The following HHIP variants were observed in gnomAD, a reference collection of about 807,000 sequenced individuals.
HHIP encodes hedgehog-interacting protein.
In HHIP, 12 loss-of-function variants were observed where a neutral mutation model predicts 74.0. The ratio of observed to expected loss-of-function variants is 0.16; its 90% CI spans 0.10 to 0.26. HHIP has a LOEUF of 0.26. HHIP is among the 10% of genes least tolerant of loss of function. HHIP has a pLI of 1.00. For missense variants in HHIP, 788 were observed against 845.0 expected, an observed-to-expected ratio of 0.93 and a Z score of 0.84; for synonymous variants, 309 against 311.6, an observed-to-expected ratio of 0.99 and a Z score of 0.09.
chr4:144,647,552 C>A (rs1006411095), intron 1 of HHIP, among the ~76,000 whole-genome samples: 3 of 152,160 alleles, frequency 2.0e-5, no homozygotes, highest in Non-Finnish European at 4.4e-5. Flanking sequence ...CGTTATTTAT[C>A]ACATAAAACT....
intron 8 of HHIP, among the ~76,000 whole-genome samples, chr4:144,713,298 T>C (rs778260579): frequency 6.6e-5 from 10 of 152,028 alleles, no homozygotes; most frequent in East Asian, 1.9e-4. Context: ...AACTCCAGAG[T>C]TTGTGACCTT....
chr4:144,646,795 G>C lies in HHIP; in HGVS notation c.120G>C (p.Leu40=), dbSNP rs1231259390. ...EGSGARRRRC[L]NGNPPKRLKR... ...GCGGAGCAAGGAGGAGAAGGTGCCT[G>C]AATGGGAACCCCCCGAAGCGCCTGA... Residue 40 remains leucine, a synonymous_variant, in exon 1 of 13, where the codon CTG becomes CTC. Coordinates refer to ENST00000296575, the MANE Select transcript of HHIP (RefSeq NM_022475.3). 6.2e-6 allele frequency: 10 copies of C among 1,614,112 alleles called. No individual in the cohort carries two copies. In the Admixed American group the frequency reaches 1.7e-4, roughly 27 times the overall value.
chr4:144,720,174 T>C (rs1730591198), intron 11 of HHIP, among the ~76,000 whole-genome samples: 1 of 152,092 alleles, frequency 6.6e-6, no homozygotes, highest in Non-Finnish European at 1.5e-5. Flanking sequence ...TTTCCACAAG[T>C]GTGAAATTAA....
At chr4:144,715,790 A>G (rs557287537) in intron 10 of HHIP, among the ~76,000 whole-genome samples, 56 of 152,346 alleles carry the variant, frequency 3.7e-4, no homozygotes, top group African/African-American at 1.2e-3. Context: ...AAACCTTTCC[A>G]TGTATCCATG....
intron 4 of HHIP, among the ~76,000 whole-genome samples, chr4:144,698,871 C>T (rs553147480): frequency 5.9e-5 from 9 of 152,134 alleles, no homozygotes; most frequent in East Asian, 3.9e-4. Flanking sequence ...ATTTTATGAA[C>T]GAAAAGAAAA....
At position 144,655,471 on chromosome 4, in the gene HHIP, C is replaced by T. The variant is rs915888512; in HGVS notation, c.472+2674C>T. Among the ~76,000 whole-genome samples the T allele has an allele frequency of 4.6e-5, 7 of 152,106 alleles. No individual in the cohort carries two copies. The East Asian group carries it at 7.7e-4, about 17-fold the overall frequency. On this transcript the variant is annotated intron_variant, in intron 2 of 12. Transcript: ENST00000296575. ...AGTCATAATGATGTTTATCACTCTT[C>T]GACCTCATCTTCTCAGCAGTAGGTT...
intron 2 of HHIP, among the ~76,000 whole-genome samples, chr4:144,653,611 T>C (rs1055867052): frequency 1.3e-5 from 2 of 152,298 alleles, no homozygotes; most frequent in Middle Eastern, 3.4e-3. Context: ...TCTGTTTAGT[T>C]GGGCAAAGTC....
At chr4:144,679,809 C>T (rs1251038652) in intron 4 of HHIP, among the ~76,000 whole-genome samples, 4 of 152,156 alleles carry the variant, frequency 2.6e-5, no homozygotes, top group Non-Finnish European at 1.5e-5. Context: ...TTTCTTTATA[C>T]TTTGAAATAT....
Position 144,646,542 on chromosome 4 carries a change from C to G in HHIP, c.-134C>G. The G allele has an allele frequency of 2.3e-6, 2 of 869,574 alleles. No individual in the cohort carries two copies. The highest frequency in any genetic ancestry group is 3.6e-6 in the Non-Finnish European group (2 of 563,192). The allele number at this position is 869,574 out of a possible 1,614,324, so 53.9% of individuals were successfully genotyped here. A position where few individuals can be genotyped will look rare whatever the true frequency, so the allele number is the denominator to read the frequency against. On this transcript the variant is annotated 5_prime_UTR_variant, in exon 1 of 13. Coordinates refer to ENST00000296575, the MANE Select transcript of HHIP (RefSeq NM_022475.3). Reference sequence around the variant, plus strand: ...GCATCGCTGTACATATTTTTGTCCCCGCCACCTCCCTCTGTCTCTGGAGTG... The same window carrying G: ...GCATCGCTGTACATATTTTTGTCCCGGCCACCTCCCTCTGTCTCTGGAGTG...
intron 2 of HHIP, among the ~76,000 whole-genome samples, chr4:144,658,381 A>T (rs1027083118): frequency 7.9e-5 from 11 of 139,166 alleles, no homozygotes; most frequent in East Asian, 2.2e-4. Context: ...TTATTTATTT[A>T]TTTTTTCAGA....
intron 4 of HHIP, among the ~76,000 whole-genome samples, chr4:144,680,673 G>A (rs889974615): frequency 2.0e-5 from 3 of 152,158 alleles, no homozygotes; most frequent in African/African-American, 7.2e-5. Flanking sequence ...TTCATTCATT[G>A]CGAGAATGAT....
At chr4:144,706,463 T>TCTCTTTG in intron 4 of HHIP, 68 bp from the exon 5 acceptor site, 1 of 1,264,512 alleles carries the variant, frequency 7.9e-7, no homozygotes, top group East Asian at 2.6e-5. Context: ...TCTTTTGGGG[T>TCTCTTTG]TCCAGTTGAA....
intron 4 of HHIP, among the ~76,000 whole-genome samples, chr4:144,702,182 T>G (rs985641180): frequency 1.6e-4 from 25 of 152,180 alleles, no homozygotes; most frequent in African/African-American, 4.8e-4. Flanking sequence ...TAATACTTTC[T>G]GTTATAATCA....
chr4:144,738,060 TTC>T lies in HHIP; in HGVS notation c.*107_*108del, dbSNP rs1731168621. 3 of 1,389,672 alleles carry T rather than the reference TTC, an allele frequency of 2.2e-6. No homozygotes were observed. The highest frequency in any genetic ancestry group is 2.9e-5 in the African/African-American group (2 of 68,474). The allele number at this position is 1,389,672 out of a possible 1,614,324, so 86.1% of individuals were successfully genotyped here. ...CCTGCTACACACTCCTGTGATTTCA[TTC>T]TCTTTTATTAATTTAAAAATAATTT... is the stretch of plus-strand genomic sequence containing the variant. On this transcript the variant is annotated 3_prime_UTR_variant, in exon 13 of 13. Coordinates refer to ENST00000296575, the MANE Select transcript of HHIP (RefSeq NM_022475.3).
chr4:144,729,745 C>T (rs1352805045), intron 11 of HHIP, among the ~76,000 whole-genome samples: 2 of 152,156 alleles, frequency 1.3e-5, no homozygotes, highest in Non-Finnish European at 2.9e-5. Context: ...TTACCTTCCA[C>T]CCTTAAACAT....
At chr4:144,717,827 T>C (rs1178651539) in intron 10 of HHIP, among the ~76,000 whole-genome samples, 1 of 152,180 alleles carries the variant, frequency 6.6e-6, no homozygotes, top group Non-Finnish European at 1.5e-5. Context: ...TGTACTTTCA[T>C]GTCTTCTAAA....
At chr4:144,656,726 G>A (rs1257374699) in intron 2 of HHIP, among the ~76,000 whole-genome samples, 1 of 151,988 alleles carries the variant, frequency 6.6e-6, no homozygotes, top group Non-Finnish European at 1.5e-5. Context: ...TGGAGATTTT[G>A]TTGCCTGATG....
In HHIP at chr4:144,646,437, A is replaced by T. The variant is rs1004636724; in HGVS notation, c.-239A>T. ...CACTGGCACAACTGCAAACGGTGTCATCCGCACAACTTTATCTCGCTCCTC... is the reference window on the plus strand; with the variant it reads ...CACTGGCACAACTGCAAACGGTGTCTTCCGCACAACTTTATCTCGCTCCTC... On this transcript the variant is annotated 5_prime_UTR_variant, in exon 1 of 13. Coordinates refer to ENST00000296575, the MANE Select transcript of HHIP (RefSeq NM_022475.3). 3 of 457,764 alleles carry T rather than the reference A, an allele frequency of 6.6e-6. No homozygotes were observed. The highest frequency in any genetic ancestry group is 1.2e-5 in the Non-Finnish European group (3 of 258,374). The allele number at this position is 457,764 out of a possible 1,614,324, so 28.4% of individuals were successfully genotyped here.
intron 3 of HHIP, among the ~76,000 whole-genome samples, 185 bp downstream of exon 3, chr4:144,659,131 T>G (rs1347890985): frequency 6.6e-6 from 1 of 152,242 alleles, no homozygotes. Context: ...ATACTTAGAC[T>G]ACTAATCGTA....
Sources: allele counts gnomAD v4.1 joint callset (sites outside exome capture counted in the v4.1 genomes callset), GRCh38; gene constraint gnomAD v4.1.1; transcripts MANE v1.5; gene names NCBI Gene and HGNC (gene_info 2026-07-23, HGNC 2026-07-21).